Variants in MICAL2 observed in about 807,000 individuals in gnomAD.
MICAL2 encodes the protein [F-actin]-monooxygenase MICAL2.
A neutral mutation model predicts 127.3 loss-of-function variants in MICAL2; 77 were observed. The ratio of observed to expected loss-of-function variants is 0.60; its 90% CI spans 0.50 to 0.73. The LOEUF is 0.73. Among genes scored for constraint, MICAL2 ranks in the 30% least tolerant of loss-of-function variants. The pLI, the probability that MICAL2 is intolerant of heterozygous loss-of-function variation, is 0.00. For missense variants in MICAL2, 1,351 were observed against 1,434.4 expected (o/e 0.94, Z 0.94); for synonymous variants, 570 against 551.1 (o/e 1.03, Z -0.48).
chr11:12,251,429 G>C (rs1861532478), intron 22 of MICAL2, among the ~76,000 whole-genome samples: 1 of 151,998 alleles, frequency 6.6e-6, no homozygotes. Flanking sequence ...CATCCCAGGA[G>C]ACAAGTTCTC....
At chr11:12,179,411 C>T (rs1333916565) in intron 3 of MICAL2, among the ~76,000 whole-genome samples, 1 of 152,184 alleles carries the variant, frequency 6.6e-6, no homozygotes, top group African/African-American at 2.4e-5. Flanking sequence ...CAGAGCCGCA[C>T]CTAGGAGTTT....
chr11:12,221,839 C>A, intron 10 of MICAL2, 80 bp downstream of exon 10: 2 of 1,121,332 alleles, frequency 1.8e-6, no homozygotes, highest in East Asian at 2.4e-5. Flanking sequence ...CCGCAGGTGA[C>A]TGCTGGATAT....
At chr11:12,121,026 G>A (rs980968544) in intron 1 of MICAL2, among the ~76,000 whole-genome samples, 6 of 152,224 alleles carry the variant, frequency 3.9e-5, no homozygotes, top group African/African-American at 1.4e-4. Context: ...CTTTGTGAAG[G>A]GAGTCTGCAA....
chr11:12,239,562 C>T lies in MICAL2; in HGVS notation c.2191C>T (p.Arg731Trp), dbSNP rs761260855. 155 of 1,614,050 alleles carry T rather than the reference C, an allele frequency of 9.6e-5. 1 individual carries two copies. Among genetic ancestry groups the T allele is most frequent in the South Asian group, 5.6e-4 (51 of 91,086 alleles). The change falls in exon 17 of 28, where the codon CGG becomes TGG. Residue 731 changes from arginine (R) to tryptophan (W), a missense_variant. Transcript: ENST00000683283. ...QLLAKFEEST[R>W]NPSLMKQERR... ...GCTGGCCAAGTTTGAGGAGAGCACT[C>T]GGAACCCCTCACTCATGAAGCAGGT...
downstream of MICAL2, among the ~76,000 whole-genome samples, chr11:12,359,753 C>T (rs911987546): frequency 1.3e-5 from 2 of 152,102 alleles, no homozygotes; most frequent in Non-Finnish European, 2.9e-5. Context: ...TGTTTTTGCT[C>T]GGATTCTTTG....
At chr11:12,210,126 T>C (rs1001317903) in intron 6 of MICAL2, among the ~76,000 whole-genome samples, 3 of 152,192 alleles carry the variant, frequency 2.0e-5, no homozygotes, top group South Asian at 4.1e-4. Flanking sequence ...CAGGCAGGTA[T>C]GTCTTGCCAA....
rs74669600 is a variant in MICAL2, at chr11:12,258,554, G to A, written c.3229G>A (p.Glu1077Lys). 1,491 of 1,613,074 alleles carry A rather than the reference G, an allele frequency of 9.2e-4. 12 individuals carry two copies. In the African/African-American group the frequency reaches 0.017, roughly 18 times the overall value. The change falls in exon 25 of 28, where the codon GAG (glutamate) becomes AAG (lysine). Residue 1077 changes from glutamate (E) to lysine (K), a missense_variant and splice_region_variant. Transcript: ENST00000683283. ...KRRAELKQQR[E>K]EEATWQEQEA... The stretch of plus-strand genomic sequence containing the variant: ...ACGGGCAGAGTTGAAGCAACAAAGA[G>A]AGGTATGTTTGTCTCAAACATGCTG...
chr11:12,321,396 A>G (rs1025868519), intron 30 of MICAL2, among the ~76,000 whole-genome samples: 2 of 152,092 alleles, frequency 1.3e-5, no homozygotes, highest in African/African-American at 4.8e-5. Context: ...TGACAGCTCA[A>G]ATGAACCTTT....
At chr11:12,292,012 A>T (rs1863909385), downstream of MICAL2, 1 of 1,134,594 alleles carries the variant, frequency 8.8e-7, no homozygotes, top group Non-Finnish European at 1.2e-6. Context: ...GGCACCAGGA[A>T]CCTCTGAGTC....
At chr11:12,329,311 A>G (rs1230258952) in intron 32 of MICAL2, among the ~76,000 whole-genome samples, 1 of 152,198 alleles carries the variant, frequency 6.6e-6, no homozygotes, top group Non-Finnish European at 1.5e-5. Flanking sequence ...GGTAGAATGA[A>G]CTGCCCTTGT....
At chr11:12,309,011 G>A (rs1267601261) in intron 29 of MICAL2, among the ~76,000 whole-genome samples, 4 of 152,106 alleles carry the variant, frequency 2.6e-5, no homozygotes, top group Non-Finnish European at 5.9e-5. Context: ...GTCAACATGT[G>A]CTAAATGACA....
chr11:12,319,144 AT>A (rs57177025), intron 29 of MICAL2, among the ~76,000 whole-genome samples: 3,242 of 150,804 alleles, frequency 0.021, 127 homozygotes, highest in African/African-American at 0.074. Context: ...TACATTTGGG[AT>A]TTTTTTTTTC....
chr11:12,294,008 G>T, downstream of MICAL2: 2 of 1,614,190 alleles, frequency 1.2e-6, no homozygotes, highest in Non-Finnish European at 1.7e-6. Flanking sequence ...CATGTTGTTG[G>T]ATTGGAATGA....
intron 3 of MICAL2, among the ~76,000 whole-genome samples, chr11:12,164,475 A>G (rs1379077073): frequency 6.6e-6 from 1 of 152,234 alleles, no homozygotes; most frequent in Non-Finnish European, 1.5e-5. Flanking sequence ...CACAAAGAAC[A>G]GGAAAATCAT....
intron 1 of MICAL2, among the ~76,000 whole-genome samples, chr11:12,277,017 G>A (rs1473647464): frequency 6.6e-6 from 1 of 152,074 alleles, no homozygotes; most frequent in Non-Finnish European, 1.5e-5. Context: ...CCCAAAGCGA[G>A]TGACTTAAAC....
chr11:12,273,826 G>A (rs1037625370), upstream of MICAL2, among the ~76,000 whole-genome samples: 7 of 152,230 alleles, frequency 4.6e-5, no homozygotes, highest in South Asian at 2.1e-4. Flanking sequence ...CTCAAGGACC[G>A]CAGGAGGACT....
intron 2 of MICAL2, among the ~76,000 whole-genome samples, chr11:12,158,710 A>G (rs191560037): frequency 1.2e-4 from 18 of 152,342 alleles, no homozygotes; most frequent in African/African-American, 4.1e-4. Context: ...TTGAGCATCT[A>G]CAGATTTTGG....
At chr11:12,321,677 T>C (rs1864299338) in intron 30 of MICAL2, among the ~76,000 whole-genome samples, 1 of 152,178 alleles carries the variant, frequency 6.6e-6, no homozygotes, top group African/African-American at 2.4e-5. Context: ...AGCATTCTTC[T>C]TTTCTGTATC....
At chr11:12,272,851 C>A (rs1347151466), upstream of MICAL2, among the ~76,000 whole-genome samples, 3 of 152,180 alleles carry the variant, frequency 2.0e-5, no homozygotes, top group Non-Finnish European at 4.4e-5. Context: ...CTAGCAGGAA[C>A]ATGAGTGACA....
Sources: gnomAD v4.1 joint callset for allele counts (sites outside exome capture counted in the v4.1 genomes callset) on GRCh38, gnomAD v4.1.1 for gene constraint, MANE v1.5 for transcripts, NCBI Gene and HGNC (gene_info 2026-07-23, HGNC 2026-07-21) for gene names.